CFDP1: variants seen among roughly 807,000 people sequenced by gnomAD.
CFDP1 encodes heterochromatin-stabilizing protein CFDP1.
Under a neutral mutation model 40.1 loss-of-function variants are expected in CFDP1, and 31 were observed. The observed-to-expected ratio is 0.77, with a 90% CI of 0.58 to 1.04. The LOEUF (loss-of-function observed/expected upper bound fraction) is 1.04. CFDP1 is among the 50% of genes least tolerant of loss of function. CFDP1 has a pLI of 0.00. For missense variants in CFDP1, 423 were observed against 343.4 expected (o/e 1.23, Z -1.83); for synonymous variants, 167 against 120.0 (o/e 1.39, Z -2.56).
intron 5 of CFDP1, among the ~76,000 whole-genome samples, chr16:75,338,012 C>A (rs1359430029): frequency 1.1e-4 from 17 of 152,286 alleles, no homozygotes; most frequent in Admixed American, 1.0e-3. Context: ...TCACCCAGCT[C>A]AGCCACTTAT....
chr16:75,422,729 A>C (rs1056611749), intron 1 of CFDP1, among the ~76,000 whole-genome samples: 5 of 151,926 alleles, frequency 3.3e-5, no homozygotes, highest in African/African-American at 1.2e-4. Context: ...TCAAAAAAAA[A>C]ACACGTTTTT....
At position 75,413,806 on chromosome 16, in the gene CFDP1, T is replaced by C. The variant is rs11866853; in HGVS notation, c.182+772A>G. On this transcript the variant is annotated intron_variant, in intron 2 of 6. Coordinates refer to ENST00000283882, the MANE Select transcript of CFDP1 (RefSeq NM_006324.3). ...ATAACCTGTCAGAATTTTCATAATT[T>C]TCATGGGAAAAGAAGCCCATACCAG... Among the ~76,000 whole-genome samples, 545 of 152,330 alleles carry C rather than the reference T, an allele frequency of 3.6e-3. 5 individuals are homozygous for C. The highest frequency in any genetic ancestry group is 0.012 in the African/African-American group (490 of 41,590).
chr16:75,401,556 C>T (rs1239433375), intron 4 of CFDP1, among the ~76,000 whole-genome samples: 7 of 151,738 alleles, frequency 4.6e-5, no homozygotes, highest in Admixed American at 1.3e-4. Flanking sequence ...GCTGAGATAG[C>T]GCCACTACAC....
intron 4 of CFDP1, among the ~76,000 whole-genome samples, chr16:75,408,263 C>A (rs758778257): frequency 2.7e-4 from 41 of 152,134 alleles, no homozygotes; most frequent in Non-Finnish European, 5.0e-4. Context: ...ATGTATACTT[C>A]TGATCCCATG....
At chr16:75,329,290 C>G (rs1158556218) in intron 5 of CFDP1, among the ~76,000 whole-genome samples, 1 of 152,156 alleles carries the variant, frequency 6.6e-6, no homozygotes, top group Non-Finnish European at 1.5e-5. Context: ...TCAGCCCAAG[C>G]ACAGAATTTT....
rs941685001 is a variant in CFDP1 at position 75,425,412 on chromosome 16, A to C, written c.64+7877T>G. 2.7e-5 allele frequency among the ~76,000 whole-genome samples: 4 copies of C among 146,918 alleles called. No homozygotes were observed. In the East Asian group the frequency reaches 6.0e-4, roughly 22 times the overall value. ...CCTCAAAAAAAAAAAAAAAAAAAAAACTATATGGAAAGGCAAAGGAACAAG... is the reference window on the plus strand; with the variant it reads ...CCTCAAAAAAAAAAAAAAAAAAAAACCTATATGGAAAGGCAAAGGAACAAG... On this transcript the variant is annotated intron_variant, in intron 1 of 6. Transcript: ENST00000283882.
In CFDP1 at chr16:75,305,121, T is replaced by C; in HGVS notation, c.712A>G (p.Met238Val). 6.2e-7 allele frequency: 1 copy of C among 1,614,194 alleles called. No homozygotes were observed. Among genetic ancestry groups the C allele is most frequent in the Non-Finnish European group, 8.5e-7 (1 of 1,180,028 alleles). Residue 238 changes from methionine (M) to valine (V), a missense_variant, in exon 6 of 7, where the codon ATG (methionine) becomes GTG (valine). Physicochemically the swap from Met to Val is conservative, Grantham distance 21. Transcript: ENST00000283882. ...AGTTTGGACTTCTCAAGGGTGCTCA[T>C]TTTCTGCTTCTTGGCACCAATTTTC... ...LGKIGAKKQK[M>V]STLEKSKLDW...
At chr16:75,380,623 T>C (rs1425808420) in intron 5 of CFDP1, among the ~76,000 whole-genome samples, 1 of 152,056 alleles carries the variant, frequency 6.6e-6, no homozygotes, top group African/African-American at 2.4e-5. Context: ...TTTTGGGCTG[T>C]AGCGGGTAGG....
chr16:75,318,646 C>T (rs557876774), intron 5 of CFDP1, among the ~76,000 whole-genome samples: 163 of 152,106 alleles, frequency 1.1e-3, no homozygotes, highest in Non-Finnish European at 1.4e-3. Flanking sequence ...CCTTGTGATC[C>T]GCCCGCCTTG....
intron 4 of CFDP1, among the ~76,000 whole-genome samples, chr16:75,405,765 A>AC (rs1428267156): frequency 6.7e-6 from 1 of 149,668 alleles, no homozygotes; most frequent in African/African-American, 2.5e-5. Context: ...AAAAAAAAAA[A>AC]CAAATGAGCC....
At chr16:75,345,974 G>A (rs2078560179) in intron 5 of CFDP1, among the ~76,000 whole-genome samples, 1 of 152,156 alleles carries the variant, frequency 6.6e-6, no homozygotes, top group Non-Finnish European at 1.5e-5. Context: ...GAGGCTTCCA[G>A]GTCTCTACTC....
At chr16:75,426,756 C>T (rs2079346936) in intron 1 of CFDP1, among the ~76,000 whole-genome samples, 1 of 152,002 alleles carries the variant, frequency 6.6e-6, no homozygotes, top group Admixed American at 6.6e-5. Context: ...CACTGCAAAA[C>T]AAGTATGTGA....
intron 5 of CFDP1, among the ~76,000 whole-genome samples, chr16:75,348,241 C>T (rs1401323218): frequency 6.6e-6 from 1 of 152,164 alleles, no homozygotes; most frequent in Non-Finnish European, 1.5e-5. Flanking sequence ...AGCAGTCTTC[C>T]CTCCTCAGTC....
At chr16:75,419,806 G>T (rs1272144655) in intron 1 of CFDP1, among the ~76,000 whole-genome samples, 2 of 152,118 alleles carry the variant, frequency 1.3e-5, no homozygotes, top group African/African-American at 4.8e-5. Flanking sequence ...GGGGAGGCAT[G>T]AATAATCCAC....
At chr16:75,342,377 G>C (rs957921662) in intron 5 of CFDP1, among the ~76,000 whole-genome samples, 1 of 152,170 alleles carries the variant, frequency 6.6e-6, no homozygotes, top group Non-Finnish European at 1.5e-5. Flanking sequence ...AGTATAACAG[G>C]AACTTATGTA....
chr16:75,343,529 A>G (rs910741552), intron 5 of CFDP1, among the ~76,000 whole-genome samples: 1 of 152,232 alleles, frequency 6.6e-6, no homozygotes, highest in African/African-American at 2.4e-5. Flanking sequence ...GAGAAAATGT[A>G]TGTGTATGAC....
At chr16:75,318,185 C>A (rs775483485) in intron 5 of CFDP1, among the ~76,000 whole-genome samples, 2 of 152,080 alleles carry the variant, frequency 1.3e-5, no homozygotes, top group Non-Finnish European at 2.9e-5. Flanking sequence ...GAGAACTGTG[C>A]TCTGCTGTGA....
chr16:75,430,961 G>A (rs746222181), intron 1 of CFDP1, among the ~76,000 whole-genome samples: 20 of 152,168 alleles, frequency 1.3e-4, no homozygotes, highest in Non-Finnish European at 2.8e-4. Context: ...CCTGGCTAAG[G>A]AGGAAGTCCA....
chr16:75,332,686 A>G (rs988806272), intron 5 of CFDP1, among the ~76,000 whole-genome samples: 2 of 151,356 alleles, frequency 1.3e-5, no homozygotes, highest in African/African-American at 4.8e-5. Flanking sequence ...GGAGAAAAAA[A>G]GAGTTGTCTA....
Sources: allele counts gnomAD v4.1 joint callset (sites outside exome capture counted in the v4.1 genomes callset), GRCh38; gene constraint gnomAD v4.1.1; transcripts MANE v1.5; gene names NCBI Gene and HGNC (gene_info 2026-07-23, HGNC 2026-07-21).